The following TGFBR1 variants were observed in gnomAD, a reference collection of about 807,000 sequenced individuals.
The protein encoded by TGFBR1 is transforming growth factor beta receptor 1, also known as TGF-beta receptor type-1.
A neutral mutation model predicts 55.1 loss-of-function variants in TGFBR1; 20 were observed. The observed-to-expected ratio is 0.36, with a 90% CI of 0.26 to 0.53. The LOEUF (loss-of-function observed/expected upper bound fraction) is 0.53. TGFBR1 is among the 20% of genes least tolerant of loss of function. TGFBR1 has a pLI of 0.91. For synonymous variants in TGFBR1, 220 were observed against 214.8 expected, an observed-to-expected ratio of 1.02 and a Z score of -0.21; for missense variants, 385 against 617.6, an observed-to-expected ratio of 0.62 and a Z score of 3.99.
intron 1 of TGFBR1, among the ~76,000 whole-genome samples, chr9:99,112,955 G>C (rs1034070960): frequency 6.6e-6 from 1 of 152,034 alleles, no homozygotes. Context: ...TTCTCTTTTG[G>C]GGGTAGGAGG....
At chr9:99,127,822 T>C (rs1805506628) in intron 1 of TGFBR1, 5 of 410,134 alleles carry the variant, frequency 1.2e-5, no homozygotes, top group Non-Finnish European at 2.4e-5. Context: ...TGCAATTTCA[T>C]GTGACCATGG....
intron 2 of TGFBR1, among the ~76,000 whole-genome samples, chr9:99,132,040 GGTT>G (rs761784955): frequency 1.3e-5 from 2 of 151,534 alleles, no homozygotes; most frequent in Non-Finnish European, 2.9e-5. Context: ...AGATGTATGT[GGTT>G]TTTTTTTTCG....
intron 3 of TGFBR1, among the ~76,000 whole-genome samples, chr9:99,134,278 C>T (rs981523602): frequency 3.3e-5 from 5 of 152,120 alleles, no homozygotes; most frequent in African/African-American, 1.2e-4. Flanking sequence ...TAAGAGAGCT[C>T]TCTCCTTGAC....
At chr9:99,125,522 G>A (rs1300037748) in intron 1 of TGFBR1, among the ~76,000 whole-genome samples, 1 of 152,202 alleles carries the variant, frequency 6.6e-6, no homozygotes, top group East Asian at 1.9e-4. Flanking sequence ...ATATGGTATT[G>A]GCTGTTAGGC....
intron 1 of TGFBR1, among the ~76,000 whole-genome samples, chr9:99,106,507 TTAC>T (rs1325487600): frequency 6.6e-6 from 1 of 152,224 alleles, no homozygotes; most frequent in Non-Finnish European, 1.5e-5. Flanking sequence ...GTATTGTGCA[TTAC>T]TACGATGTAA....
chr9:99,105,717 G>T (rs1042995982), intron 1 of TGFBR1, among the ~76,000 whole-genome samples: 3 of 152,176 alleles, frequency 2.0e-5, no homozygotes, highest in African/African-American at 7.2e-5. Context: ...GCGTGACCTT[G>T]TTCTGGGGAC....
chr9:99,146,003 A>AGT (rs1399051893), intron 6 of TGFBR1: 1 of 212,670 alleles, frequency 4.7e-6, no homozygotes, highest in Non-Finnish European at 9.4e-6. Flanking sequence ...GGTCCTTGTC[A>AGT]GTGGTTGCTG....
chr9:99,114,715 G>A (rs949133568), intron 1 of TGFBR1, among the ~76,000 whole-genome samples: 1 of 152,182 alleles, frequency 6.6e-6, no homozygotes, highest in Non-Finnish European at 1.5e-5. Context: ...AGAGCAACAT[G>A]AAACTATTTA....
intron 2 of TGFBR1, among the ~76,000 whole-genome samples, chr9:99,132,283 G>A (rs1296729941): frequency 6.6e-6 from 1 of 152,182 alleles, no homozygotes; most frequent in East Asian, 1.9e-4. Flanking sequence ...GAATACAGGA[G>A]TAAGTGGGTG....
At chr9:99,127,161 G>A (rs1046155732) in intron 1 of TGFBR1, among the ~76,000 whole-genome samples, 3 of 152,202 alleles carry the variant, frequency 2.0e-5, no homozygotes, top group African/African-American at 7.2e-5. Flanking sequence ...CACCCGGGGT[G>A]AAGTCTAGGA....
rs1231464525 is a variant in TGFBR1, at chr9:99,152,572, T to A, written c.*3267T>A. The A allele has an allele frequency of 4.4e-6, 1 of 229,450 alleles. No homozygotes were observed. The highest frequency in any genetic ancestry group is 6.2e-5 in the East Asian group (1 of 16,144). The allele number at this position is 229,450 out of a possible 1,614,324, so 14.2% of individuals were successfully genotyped here. On this transcript the variant is annotated 3_prime_UTR_variant, in exon 9 of 9. Transcript: ENST00000374994. ...TCTCTATGTCTGAGAACTGTCAGAT[T>A]AAAACAAGATGGCAAAGAGATCGTT...
In TGFBR1 at chr9:99,149,154, A is replaced by AT. The variant is rs752215820; in HGVS notation, c.1387-15dup. 6.8e-3 allele frequency: 7,923 copies of AT among 1,170,648 alleles called. 1 individual carries two copies. Among genetic ancestry groups the AT allele is most frequent in the Middle Eastern group, 7.7e-3 (37 of 4,792 alleles). The allele number at this position is 1,170,648 out of a possible 1,614,324, so 72.5% of individuals were successfully genotyped here. ...CCAATGGAAAATGGTGCATGCATTA[A>AT]TTTTTTTTTTTATATTTTCTTGTAG... On this transcript the variant is annotated intron_variant, in intron 8 of 8. Coordinates refer to ENST00000374994, the MANE Select transcript of TGFBR1 (RefSeq NM_004612.4).
chr9:99,143,358 C>T (rs1422237723), intron 5 of TGFBR1, among the ~76,000 whole-genome samples: 2 of 152,142 alleles, frequency 1.3e-5, no homozygotes, highest in African/African-American at 2.4e-5. Flanking sequence ...CATCAACATG[C>T]TAGGTAACTG....
intron 1 of TGFBR1, among the ~76,000 whole-genome samples, chr9:99,124,573 T>C (rs1251997328): frequency 1.3e-5 from 2 of 152,114 alleles, no homozygotes; most frequent in Non-Finnish European, 2.9e-5. Flanking sequence ...TAAAATAAAT[T>C]TGAATTTTTT....
At chr9:99,134,958 T>A (rs2118668568) in intron 3 of TGFBR1, among the ~76,000 whole-genome samples, 1 of 151,210 alleles carries the variant, frequency 6.6e-6, no homozygotes, top group South Asian at 2.1e-4. Context: ...GCTAGCTCTG[T>A]GGCTTTGGGC....
At position 99,152,619 on chromosome 9, in the gene TGFBR1, A is replaced by G. The variant is rs200374520; in HGVS notation, c.*3314A>G. On this transcript the variant is annotated 3_prime_UTR_variant, in exon 9 of 9. Transcript: ENST00000374994. Reference sequence around the variant, plus strand: ...CGTTAGAGTGCACAACAAAATCACTATCCCATTAGACACATCATCAAAAGC... The same window carrying G: ...CGTTAGAGTGCACAACAAAATCACTGTCCCATTAGACACATCATCAAAAGC... The G allele has an allele frequency of 2.0e-4, 45 of 228,688 alleles. No homozygotes were observed. Among genetic ancestry groups the G allele is most frequent in the Middle Eastern group, 1.3e-3 (1 of 766 alleles). 14.2% of individuals were successfully genotyped at this position (228,688 alleles called of 1,614,324 possible).
At chr9:99,131,278 A>G (rs377049065) in intron 2 of TGFBR1, among the ~76,000 whole-genome samples, 5 of 152,100 alleles carry the variant, frequency 3.3e-5, no homozygotes, top group African/African-American at 7.2e-5. Context: ...TTTTACGATC[A>G]CCTAAAATTC....
intron 4 of TGFBR1, among the ~76,000 whole-genome samples, chr9:99,138,664 G>T (rs1422957260): frequency 6.6e-6 from 1 of 152,200 alleles, no homozygotes; most frequent in African/African-American, 2.4e-5. Context: ...CTGAGGCCCA[G>T]TGTCAGGTCA....
At chr9:99,104,815 G>A (rs368151277), upstream of TGFBR1, among the ~76,000 whole-genome samples, 59 of 152,294 alleles carry the variant, frequency 3.9e-4, no homozygotes, top group African/African-American at 1.3e-3. Context: ...GCCCTCCGGG[G>A]CTAGCGGCTG....
Sources: allele counts gnomAD v4.1 joint callset (sites outside exome capture counted in the v4.1 genomes callset), GRCh38; gene constraint gnomAD v4.1.1; transcripts MANE v1.5; gene names NCBI Gene and HGNC (gene_info 2026-07-23, HGNC 2026-07-21).